NFAT5: variants seen among roughly 807,000 people sequenced by gnomAD.
NFAT5 encodes the protein nuclear factor of activated T-cells 5.
Under a neutral mutation model 166.5 loss-of-function variants are expected in NFAT5, and 31 were observed. The observed-to-expected ratio is 0.19, with a 90% CI of 0.14 to 0.25. NFAT5 has a LOEUF of 0.25. NFAT5 is among the 10% of genes least tolerant of loss of function. The pLI, the probability that NFAT5 is intolerant of heterozygous loss-of-function variation, is 1.00. For missense variants in NFAT5, 1,449 were observed against 1,821.8 expected, an observed-to-expected ratio of 0.80 and a Z score of 3.72; for synonymous variants, 612 against 639.7, an observed-to-expected ratio of 0.96 and a Z score of 0.65.
chr16:69,594,898 T>C (rs1254729728), intron 2 of NFAT5, among the ~76,000 whole-genome samples: 5 of 152,122 alleles, frequency 3.3e-5, no homozygotes, highest in Non-Finnish European at 5.9e-5. Context: ...CTGAAGAACT[T>C]GGAGTCTGAC....
chr16:69,615,273 T>C (rs556188984), intron 2 of NFAT5, among the ~76,000 whole-genome samples: 1 of 152,316 alleles, frequency 6.6e-6, no homozygotes, highest in Admixed American at 6.5e-5. Flanking sequence ...ACTTGTGACC[T>C]CAGGTGATCT....
At chr16:69,639,341 T>C (rs1359263376) in intron 3 of NFAT5, among the ~76,000 whole-genome samples, 1 of 152,220 alleles carries the variant, frequency 6.6e-6, no homozygotes, top group Admixed American at 6.5e-5. Context: ...ATAAGCATTT[T>C]ATTTTTCAGG....
chr16:69,582,399 C>T (rs1485346650), intron 2 of NFAT5, among the ~76,000 whole-genome samples: 3 of 152,006 alleles, frequency 2.0e-5, no homozygotes, highest in African/African-American at 7.3e-5. Context: ...CTTTGTTGCT[C>T]ATGCTTTGGT....
At chr16:69,605,719 T>G in intron 2 of NFAT5, among the ~76,000 whole-genome samples, 1 of 152,064 alleles carries the variant, frequency 6.6e-6, no homozygotes, top group East Asian at 1.9e-4. Flanking sequence ...TTTCTTTTTT[T>G]TTTTTGAGAC....
At chr16:69,579,344 T>A (rs2031516711) in intron 2 of NFAT5, among the ~76,000 whole-genome samples, 1 of 152,188 alleles carries the variant, frequency 6.6e-6, no homozygotes. Flanking sequence ...TTTCATTTTC[T>A]TAGTGAATTT....
At chr16:69,604,218 C>T (rs976399422) in intron 2 of NFAT5, among the ~76,000 whole-genome samples, 3 of 152,118 alleles carry the variant, frequency 2.0e-5, no homozygotes, top group African/African-American at 4.8e-5. Context: ...ACACACACTC[C>T]GTACTTCCTA....
In NFAT5 at chr16:69,693,376, C is replaced by T. The variant is rs941790846; in HGVS notation, c.3551C>T (p.Ser1184Leu). 6.2e-7 allele frequency: 1 copy of T among 1,614,216 alleles called. No homozygotes were observed. The highest frequency in any genetic ancestry group is 1.1e-5 in the South Asian group (1 of 91,084). Residue 1184 changes from serine (S) to leucine (L), a missense_variant, in exon 13 of 15, where the codon TCA becomes TTA. This residue lies in a region of NFAT5 where 891 missense variants were observed against 993.0 expected (regional missense o/e 0.90). Transcript: ENST00000349945. The stretch of plus-strand genomic sequence containing the variant: ...GAAGCATTTTTTGCAGCACCGAACT[C>T]AATTTCTCCACTTCAGTCAACATCA... ...AQEAFFAAPN[S>L]ISPLQSTSNS... is the part of the protein sequence containing the mutation.
chr16:69,631,850 T>A (rs1412846176), intron 3 of NFAT5, among the ~76,000 whole-genome samples: 1 of 152,138 alleles, frequency 6.6e-6, no homozygotes, highest in Non-Finnish European at 1.5e-5. Context: ...GTGTGTACAG[T>A]GGAAATCTTG....
intron 4 of NFAT5, among the ~76,000 whole-genome samples, chr16:69,652,477 A>G (rs904837252): frequency 1.1e-4 from 17 of 151,890 alleles, no homozygotes; most frequent in Admixed American, 9.8e-4. Context: ...AAAAGGTAGA[A>G]TGCTGGTGCT....
intron 11 of NFAT5, among the ~76,000 whole-genome samples, chr16:69,687,765 AATTAT>A (rs2037368286): frequency 6.6e-6 from 1 of 150,792 alleles, no homozygotes; most frequent in African/African-American, 2.5e-5. Context: ...TTTCTAATTG[AATTAT>A]AATATAATCT....
Position 69,677,311 on chromosome 16 carries a change from C to G in NFAT5, c.1666C>G (p.Pro556Ala). The part of the protein sequence containing the change: ...TNAGRSHDVQ[P>A]FTYTPDPAAA... ...TGCTGGAAGATCTCATGATGTTCAA[C>G]CATTCACTTACACTCCAGACCCAGG... Residue 556 changes from proline to alanine, a missense_variant, in exon 10 of 15, where the codon CCA (proline) becomes GCA (alanine). By Grantham distance (27) the Pro-to-Ala change is conservative (BLOSUM62 -1). This residue lies in a region of NFAT5 where 245 missense variants were observed against 366.6 expected (regional missense o/e 0.67). Coordinates refer to ENST00000349945, the MANE Select transcript of NFAT5 (RefSeq NM_138713.4). 13 of 1,608,834 alleles carry G rather than the reference C, an allele frequency of 8.1e-6. No individual in the cohort carries two copies. The highest frequency in any genetic ancestry group is 1.1e-5 in the Non-Finnish European group (13 of 1,178,280).
At chr16:69,596,821 A>C (rs1458370576) in intron 2 of NFAT5, among the ~76,000 whole-genome samples, 1 of 152,162 alleles carries the variant, frequency 6.6e-6, no homozygotes, top group Non-Finnish European at 1.5e-5. Context: ...TTATGATAAA[A>C]GACATAAATG....
In NFAT5 at chr16:69,690,923, T is replaced by A; in HGVS notation, c.1775-17T>A. 6.8e-7 allele frequency: 1 copy of A among 1,461,332 alleles called. No homozygotes were observed. Among genetic ancestry groups the A allele is most frequent in the Non-Finnish European group, 9.1e-7 (1 of 1,101,408 alleles). 90.5% of individuals were successfully genotyped at this position (1,461,332 alleles called of 1,614,324 possible). A position where few individuals can be genotyped will look rare whatever the true frequency, so the allele number is the denominator to read the frequency against. ...TTGTGATTTTAAACTTTTCTTTTTG[T>A]GTGTGTGTATATGCAGCAATGAAAA... On this transcript the variant is annotated splice_polypyrimidine_tract_variant and intron_variant, in intron 11 of 14. Coordinates refer to ENST00000349945, the MANE Select transcript of NFAT5 (RefSeq NM_138713.4).
chr16:69,592,498 AAAAT>A (rs1356360287), intron 2 of NFAT5, among the ~76,000 whole-genome samples: 1 of 152,204 alleles, frequency 6.6e-6, no homozygotes, highest in Non-Finnish European at 1.5e-5. Context: ...TGTGAGGAGA[AAAAT>A]AAATAAAAGC....
At chr16:69,668,037 G>A (rs1334630169) in intron 7 of NFAT5, among the ~76,000 whole-genome samples, 1 of 151,962 alleles carries the variant, frequency 6.6e-6, no homozygotes, top group Non-Finnish European at 1.5e-5. Flanking sequence ...CGTGATCTCG[G>A]GTCACTGCAA....
chr16:69,694,267 A>T (rs779436772), intron 13 of NFAT5, 28 bp downstream of exon 13: 8 of 1,532,332 alleles, frequency 5.2e-6, no homozygotes, highest in Non-Finnish European at 7.1e-6. Context: ...TTCATTACTT[A>T]ATTGGTCATT....
intron 2 of NFAT5, among the ~76,000 whole-genome samples, chr16:69,599,525 T>A (rs1356014472): frequency 6.6e-6 from 1 of 152,086 alleles, no homozygotes; most frequent in East Asian, 1.9e-4. Flanking sequence ...GAGCCAAGAT[T>A]GTGCCACTGC....
intron 7 of NFAT5, among the ~76,000 whole-genome samples, chr16:69,664,141 T>C (rs534163077): frequency 3.0e-4 from 46 of 152,320 alleles, no homozygotes; most frequent in Non-Finnish European, 1.0e-4. Context: ...ATTTACATAG[T>C]CAGATGTAGG....
At position 69,694,044 on chromosome 16, in the gene NFAT5, A is replaced by G; in HGVS notation, c.4219A>G (p.Asn1407Asp). 6.2e-7 allele frequency: 1 copy of G among 1,614,148 alleles called. No homozygotes were observed. The highest frequency in any genetic ancestry group is 1.6e-4 in the Middle Eastern group (1 of 6,062). The change falls in exon 13 of 15, where the codon AAT becomes GAT. Residue 1407 changes from asparagine to aspartate, a missense_variant. By Grantham distance (23) the Asn-to-Asp change is conservative (BLOSUM62 1). Around this residue, in one of 7 missense-constraint regions of NFAT5, gnomAD observed 891 missense variants for 993.0 expected, o/e 0.90. Coordinates refer to ENST00000349945, the MANE Select transcript of NFAT5 (RefSeq NM_138713.4). ...ASMSALQTSI[N>D]QQDMQQSPLY... ...CATGTCTGCCTTGCAGACCAGTATA[A>G]ATCAACAAGATATGCAACAGTCTCC...
Sources: allele counts gnomAD v4.1 joint callset (sites outside exome capture counted in the v4.1 genomes callset), GRCh38; gene constraint gnomAD v4.1.1; regional missense constraint gnomAD v4.1.1; transcripts MANE v1.5; gene names NCBI Gene and HGNC (gene_info 2026-07-23, HGNC 2026-07-21).